The following SPIDR variants were observed in gnomAD, a reference collection of about 807,000 sequenced individuals.
SPIDR encodes the protein DNA repair-scaffolding protein.
SPIDR carries 93 observed loss-of-function variants against 104.6 expected under a neutral mutation model. The ratio of observed to expected loss-of-function variants is 0.89; its 90% CI spans 0.75 to 1.06. The LOEUF (loss-of-function observed/expected upper bound fraction) is 1.06. SPIDR is among the 50% of genes least tolerant of loss of function. SPIDR has a pLI of 0.00. For synonymous variants in SPIDR, 431 were observed against 416.9 expected (o/e 1.03, Z -0.41); for missense variants, 1,154 against 1,111.2 (o/e 1.04, Z -0.55).
At chr8:47,564,519 C>G (rs193260591) in intron 8 of SPIDR, among the ~76,000 whole-genome samples, 2 of 151,946 alleles carry the variant, frequency 1.3e-5, no homozygotes, top group Non-Finnish European at 2.9e-5. Flanking sequence ...GTCTCTACTA[C>G]CAATTAAAAA....
chr8:47,628,067 G>T (rs1339918098), intron 10 of SPIDR, among the ~76,000 whole-genome samples: 1 of 152,116 alleles, frequency 6.6e-6, no homozygotes, highest in African/African-American at 2.4e-5. Flanking sequence ...TCCTTAAAAT[G>T]CAGGAACTCC....
intron 8 of SPIDR, among the ~76,000 whole-genome samples, chr8:47,542,987 G>A (rs1014584677): frequency 6.6e-6 from 1 of 152,158 alleles, no homozygotes; most frequent in Non-Finnish European, 1.5e-5. Flanking sequence ...ATAATTTTCT[G>A]GAGATTCATC....
intron 16 of SPIDR, among the ~76,000 whole-genome samples, chr8:47,715,903 T>C (rs1011169878): frequency 1.4e-4 from 21 of 152,200 alleles, no homozygotes; most frequent in African/African-American, 4.6e-4. Context: ...TTTAACCTTT[T>C]TGAAGAACAC....
At chr8:47,415,521 T>G (rs1370174689) in intron 7 of SPIDR, among the ~76,000 whole-genome samples, 1 of 152,124 alleles carries the variant, frequency 6.6e-6, no homozygotes, top group Non-Finnish European at 1.5e-5. Context: ...AGTTTGTTGG[T>G]ATTAGGAGGT....
chr8:47,637,152 C>T (rs2068055013), intron 10 of SPIDR, among the ~76,000 whole-genome samples: 1 of 152,204 alleles, frequency 6.6e-6, no homozygotes, highest in Non-Finnish European at 1.5e-5. Context: ...TCCAGGATCC[C>T]ATTCAGGACA....
chr8:47,402,574 C>A (rs1173572064), intron 6 of SPIDR, among the ~76,000 whole-genome samples: 1 of 152,210 alleles, frequency 6.6e-6, no homozygotes, highest in Non-Finnish European at 1.5e-5. Flanking sequence ...GCTATAAACA[C>A]CTCTACGCAA....
chr8:47,533,332 A>G (rs2086333290), intron 8 of SPIDR, among the ~76,000 whole-genome samples: 2 of 152,206 alleles, frequency 1.3e-5, no homozygotes, highest in African/African-American at 4.8e-5. Flanking sequence ...CCTGGAAGAC[A>G]ACTTAGGCAG....
intron 5 of SPIDR, among the ~76,000 whole-genome samples, chr8:47,336,536 G>A (rs1467562585): frequency 6.6e-6 from 1 of 152,182 alleles, no homozygotes; most frequent in Non-Finnish European, 1.5e-5. Context: ...GGAGGGGCAA[G>A]GAAGCAATCA....
At chr8:47,621,544 G>C (rs1047382147) in intron 10 of SPIDR, among the ~76,000 whole-genome samples, 1 of 152,152 alleles carries the variant, frequency 6.6e-6, no homozygotes, top group African/African-American at 2.4e-5. Context: ...TTGAAGGAAG[G>C]GGCTCTGCCC....
intron 8 of SPIDR, among the ~76,000 whole-genome samples, chr8:47,497,026 C>A (rs1393740447): frequency 2.6e-5 from 4 of 151,912 alleles, no homozygotes; most frequent in Non-Finnish European, 5.9e-5. Flanking sequence ...GCTATAGAAT[C>A]CCTTTGCTTT....
intron 5 of SPIDR, among the ~76,000 whole-genome samples, chr8:47,367,989 A>G (rs2057445057): frequency 6.6e-6 from 1 of 152,172 alleles, no homozygotes; most frequent in Admixed American, 6.5e-5. Flanking sequence ...CGAGTGGCGT[A>G]TAAACAATGG....
intron 8 of SPIDR, among the ~76,000 whole-genome samples, chr8:47,452,380 G>A (rs1431549456): frequency 6.6e-6 from 1 of 152,162 alleles, no homozygotes; most frequent in Non-Finnish European, 1.5e-5. Context: ...GCATCATCCT[G>A]ATACCAAAGC....
intron 10 of SPIDR, among the ~76,000 whole-genome samples, chr8:47,604,027 C>T (rs568057503): frequency 6.6e-6 from 1 of 152,138 alleles, no homozygotes; most frequent in East Asian, 1.9e-4. Flanking sequence ...GTTAACAAAA[C>T]CAGACATTGT....
intron 8 of SPIDR, among the ~76,000 whole-genome samples, chr8:47,486,946 C>T (rs919848916): frequency 5.3e-5 from 8 of 152,148 alleles, no homozygotes; most frequent in African/African-American, 7.2e-5. Flanking sequence ...CATTAACTAA[C>T]GAGCAAAATA....
At chr8:47,529,093 A>T in intron 8 of SPIDR, among the ~76,000 whole-genome samples, 1 of 152,202 alleles carries the variant, frequency 6.6e-6, no homozygotes, top group East Asian at 1.9e-4. Context: ...CCCTTCAGAA[A>T]TCTTGCAAAC....
chr8:47,325,215 AGT>A (rs1554599648), intron 5 of SPIDR, among the ~76,000 whole-genome samples: 1 of 152,130 alleles, frequency 6.6e-6, no homozygotes, highest in East Asian at 1.9e-4. Context: ...TTGCTTTTAG[AGT>A]GTTAAATTGG....
intron 8 of SPIDR, among the ~76,000 whole-genome samples, chr8:47,535,689 TA>T (rs918667524): frequency 8.6e-5 from 13 of 151,166 alleles, no homozygotes; most frequent in African/African-American, 2.7e-4. Context: ...TTTTTGATGT[TA>T]AAAAAAAATA....
At chr8:47,593,388 AT>A (rs562937731) in intron 8 of SPIDR, among the ~76,000 whole-genome samples, 2 of 150,796 alleles carry the variant, frequency 1.3e-5, no homozygotes, top group Non-Finnish European at 3.0e-5. Context: ...TGCTGAGACT[AT>A]TTTTTTTCAT....
At chr8:47,319,842 G>T (rs2046184258) in intron 5 of SPIDR, among the ~76,000 whole-genome samples, 1 of 151,998 alleles carries the variant, frequency 6.6e-6, no homozygotes, top group Non-Finnish European at 1.5e-5. Context: ...GCTCCTGAAT[G>T]ACTACTGGGT....
Sources: allele counts gnomAD v4.1 joint callset (sites outside exome capture counted in the v4.1 genomes callset), GRCh38; gene constraint gnomAD v4.1.1; transcripts MANE v1.5; gene names NCBI Gene and HGNC (gene_info 2026-07-23, HGNC 2026-07-21).